The following LPP variants were observed in gnomAD, a reference collection of about 807,000 sequenced individuals.
LPP encodes LIM domain containing preferred translocation partner in lipoma.
In LPP, 38 loss-of-function variants were observed where a neutral mutation model predicts 60.4. The observed-to-expected ratio is 0.63, with a 90% CI of 0.49 to 0.83. The LOEUF (loss-of-function observed/expected upper bound fraction) is 0.83, where lower values mean the gene tolerates loss of function less well. LPP is among the 40% of genes least tolerant of loss of function. The pLI is 0.00. For missense variants in LPP, 902 were observed against 783.6 expected (o/e 1.15, Z -1.80); for synonymous variants, 328 against 290.8 (o/e 1.13, Z -1.30).
intron 9 of LPP, among the ~76,000 whole-genome samples, chr3:188,790,970 A>G (rs1039865220): frequency 6.6e-6 from 1 of 151,800 alleles, no homozygotes; most frequent in Non-Finnish European, 1.5e-5. Context: ...CACTTTAGAC[A>G]CTTTAGATTT....
At chr3:188,213,348 T>C (rs1712059739) in intron 1 of LPP, among the ~76,000 whole-genome samples, 1 of 152,230 alleles carries the variant, frequency 6.6e-6, no homozygotes, top group South Asian at 2.1e-4. Flanking sequence ...TCAGCACATC[T>C]GTCTAATTTC....
At chr3:188,452,368 C>T (rs1054391084) in intron 4 of LPP, among the ~76,000 whole-genome samples, 1 of 151,972 alleles carries the variant, frequency 6.6e-6, no homozygotes, top group African/African-American at 2.4e-5. Context: ...CTGACTGGCC[C>T]CCACCTCCTC....
chr3:188,480,850 C>T (rs965087890), intron 4 of LPP, among the ~76,000 whole-genome samples: 3 of 152,172 alleles, frequency 2.0e-5, no homozygotes, highest in African/African-American at 7.2e-5. Flanking sequence ...TTCATTTCAT[C>T]CAGGGGCTTT....
chr3:188,276,231 C>G (rs977223391), intron 2 of LPP, among the ~76,000 whole-genome samples: 5 of 152,228 alleles, frequency 3.3e-5, no homozygotes, highest in African/African-American at 1.2e-4. Flanking sequence ...CTTATCAACA[C>G]AGCCATACTT....
At chr3:188,285,593 G>A (rs771658753) in intron 2 of LPP, among the ~76,000 whole-genome samples, 1 of 152,028 alleles carries the variant, frequency 6.6e-6, no homozygotes, top group Admixed American at 6.6e-5. Flanking sequence ...GTTGAGATGG[G>A]GTCTCACTAT....
chr3:188,376,753 G>T (rs1775226606), intron 3 of LPP, among the ~76,000 whole-genome samples: 1 of 152,136 alleles, frequency 6.6e-6, no homozygotes, highest in Non-Finnish European at 1.5e-5. Context: ...TCATTATGAT[G>T]TTAGCTGGTT....
At chr3:188,428,602 T>A (rs1234332013) in intron 4 of LPP, among the ~76,000 whole-genome samples, 219 of 147,348 alleles carry the variant, frequency 1.5e-3, no homozygotes, top group African/African-American at 5.4e-3. Context: ...ATATATTTTT[T>A]TTTTTTAACA....
At chr3:188,847,457 C>T (rs138393822) in intron 9 of LPP, among the ~76,000 whole-genome samples, 2 of 152,248 alleles carry the variant, frequency 1.3e-5, no homozygotes, top group East Asian at 3.9e-4. Flanking sequence ...TAGTCAGAAA[C>T]CCAGAAAGAA....
chr3:188,437,621 T>G (rs7611312), intron 4 of LPP, among the ~76,000 whole-genome samples: 53,410 of 152,088 alleles, frequency 0.35, 9,784 homozygotes, highest in Non-Finnish European at 0.4. Flanking sequence ...TAGACATAAT[T>G]TTGCATTTTT....
In LPP at chr3:188,419,420, G is replaced by A. The variant is rs73050779; in HGVS notation, c.193+13107G>A. On this transcript the variant is annotated intron_variant, in intron 4 of 11. Coordinates refer to ENST00000617246, the MANE Select transcript of LPP (RefSeq NM_001375462.1). ...CTCTATCAGAAGAAAGAGTTTGCTTGGAGCCAAGGTAGTATTGGAAGGTTA... is the reference window on the plus strand; with the variant it reads ...CTCTATCAGAAGAAAGAGTTTGCTTAGAGCCAAGGTAGTATTGGAAGGTTA... Among the ~76,000 whole-genome samples the A allele has an allele frequency of 2.1e-3, 326 of 152,286 alleles. 2 individuals are homozygous for A. The highest frequency in any genetic ancestry group is 7.5e-3 in the African/African-American group (313 of 41,550).
At chr3:188,239,306 G>A (rs115018326) in intron 2 of LPP, among the ~76,000 whole-genome samples, 2,594 of 152,194 alleles carry the variant, frequency 0.017, 36 homozygotes, top group South Asian at 0.03. Context: ...GCCTTTTTGC[G>A]GATGAATTTA....
At chr3:188,701,400 T>A (rs1335694097) in intron 7 of LPP, among the ~76,000 whole-genome samples, 1 of 152,234 alleles carries the variant, frequency 6.6e-6, no homozygotes, top group East Asian at 1.9e-4. Flanking sequence ...AATCTTTATT[T>A]TAAGAAGGGA....
At chr3:188,467,050 T>C (rs1172942445) in intron 4 of LPP, among the ~76,000 whole-genome samples, 3 of 151,198 alleles carry the variant, frequency 2.0e-5, no homozygotes, top group Non-Finnish European at 2.9e-5. Flanking sequence ...TGTGTATAAT[T>C]CTGGTCAGGC....
chr3:188,538,746 G>T (rs897836238), intron 6 of LPP, among the ~76,000 whole-genome samples: 2 of 152,156 alleles, frequency 1.3e-5, no homozygotes, highest in Admixed American at 1.3e-4. Flanking sequence ...ATAGCAACAT[G>T]ATTCATAACA....
At chr3:188,677,584 G>C (rs927932296) in intron 7 of LPP, among the ~76,000 whole-genome samples, 1 of 152,158 alleles carries the variant, frequency 6.6e-6, no homozygotes, top group African/African-American at 2.4e-5. Flanking sequence ...AAATCTTCCT[G>C]TGGCTGTCCT....
intron 2 of LPP, among the ~76,000 whole-genome samples, chr3:188,278,491 A>G (rs1258771644): frequency 6.6e-6 from 1 of 152,134 alleles, no homozygotes; most frequent in East Asian, 1.9e-4. Context: ...CTGATTCTGA[A>G]TCGACTCTCA....
chr3:188,766,194 A>T (rs1734061182), intron 9 of LPP, among the ~76,000 whole-genome samples: 1 of 151,742 alleles, frequency 6.6e-6, no homozygotes, highest in African/African-American at 2.4e-5. Context: ...CTACGTGAAG[A>T]TCCTAAAAGC....
Position 188,514,490 on chromosome 3 carries a change from G to T in LPP, c.307-10175G>T, listed in dbSNP as rs565172478. Among the ~76,000 whole-genome samples, 3 of 151,612 alleles carry T rather than the reference G, an allele frequency of 2.0e-5. No homozygotes were observed. The East Asian group carries it at 5.8e-4, about 29-fold the overall frequency. On this transcript the variant is annotated intron_variant, in intron 5 of 11. Transcript: ENST00000617246. ...TCACTCTTGTTGCCCAGGCTGGAGT[G>T]CAGTGGTAAGATCTTGGCTCACTGC... is the stretch of plus-strand genomic sequence containing the variant.
intron 4 of LPP, among the ~76,000 whole-genome samples, chr3:188,472,334 G>C (rs866051446): frequency 6.6e-6 from 1 of 151,994 alleles, no homozygotes; most frequent in Admixed American, 6.6e-5. Flanking sequence ...CAGCTAGCAG[G>C]TGGTGAAGTA....
Sources: gnomAD v4.1 joint callset for allele counts (sites outside exome capture counted in the v4.1 genomes callset) on GRCh38, gnomAD v4.1.1 for gene constraint, MANE v1.5 for transcripts, NCBI Gene and HGNC (gene_info 2026-07-23, HGNC 2026-07-21) for gene names.